Variants in IMPDH1 observed in about 807,000 individuals in gnomAD.
IMPDH1 encodes the protein inosine-5'-monophosphate dehydrogenase 1.
IMPDH1 carries 41 observed loss-of-function variants against 73.5 expected under a neutral mutation model. The observed-to-expected ratio is 0.56, with a 90% confidence interval of 0.43 to 0.72. IMPDH1 has a LOEUF of 0.72. IMPDH1 is among the 30% of genes least tolerant of loss of function. IMPDH1 has a pLI of 0.00. For synonymous variants in IMPDH1, 318 were observed against 334.3 expected, an observed-to-expected ratio of 0.95 and a Z score of 0.53; for missense variants, 645 against 824.8, an observed-to-expected ratio of 0.78 and a Z score of 2.67.
At chr7:128,406,783 C>T (rs987814047) in intron 3 of IMPDH1, among the ~76,000 whole-genome samples, 1 of 152,160 alleles carries the variant, frequency 6.6e-6, no homozygotes, top group African/African-American at 2.4e-5. Flanking sequence ...GGTACCAGGG[C>T]TTTTAATCTC....
At chr7:128,408,778 G>T (rs1301423792) in intron 3 of IMPDH1, among the ~76,000 whole-genome samples, 1 of 152,210 alleles carries the variant, frequency 6.6e-6, no homozygotes, top group African/African-American at 2.4e-5. Context: ...AACCCCAGGA[G>T]CTGGATTTCT....
At position 128,392,697 on chromosome 7, in the gene IMPDH1, G is replaced by A; in HGVS notation, c.*310C>T. Reference sequence around the variant, plus strand: ...AAGCCAGGAGGGGCCGCCTGCCCCTGGGGTGGGGGCCAGGCTGGAGCAGGC... The same window carrying A: ...AAGCCAGGAGGGGCCGCCTGCCCCTAGGGTGGGGGCCAGGCTGGAGCAGGC... On this transcript the variant is annotated 3_prime_UTR_variant, in exon 17 of 17. Coordinates refer to ENST00000338791, the MANE Select transcript of IMPDH1 (RefSeq NM_000883.4). The A allele has an allele frequency of 2.4e-6, 1 of 409,546 alleles. No individual in the cohort carries two copies. The highest frequency in any genetic ancestry group is 4.5e-6 in the Non-Finnish European group (1 of 222,286). 25.4% of individuals were successfully genotyped at this position (409,546 alleles called of 1,614,324 possible). A position where few individuals can be genotyped will look rare whatever the true frequency, so the allele number is the denominator to read the frequency against.
rs544172290 is a variant in IMPDH1, at chr7:128,395,453, C to G, written c.1262-179G>C. On this transcript the variant is annotated intron_variant, in intron 12 of 16. Coordinates refer to ENST00000338791, the MANE Select transcript of IMPDH1 (RefSeq NM_000883.4). ...GCAAATACCACCAGGATGAGTGTCA[C>G]TCTAGGGATCTGGGCCACCCCACCC... Among the ~76,000 whole-genome samples, 4 of 152,188 alleles carry G rather than the reference C, an allele frequency of 2.6e-5. 1 individual carries two copies.
intron 3 of IMPDH1, among the ~76,000 whole-genome samples, chr7:128,407,434 T>C (rs2116734023): frequency 6.6e-6 from 1 of 152,294 alleles, no homozygotes; most frequent in African/African-American, 2.4e-5. Flanking sequence ...TTCAGCATTC[T>C]TGGGCTCATG....
At chr7:128,409,254 C>T in intron 3 of IMPDH1, 35 bp downstream of exon 3, 1 of 1,582,820 alleles carries the variant, frequency 6.3e-7, no homozygotes, top group Non-Finnish European at 8.7e-7. Flanking sequence ...CCTCTCAGAT[C>T]TCAGTGCATG....
Position 128,400,845 on chromosome 7 carries a change from A to G in IMPDH1, c.551T>C (p.Phe184Ser). The change falls in exon 7 of 17, where the codon TTC becomes TCC. Residue 184 changes from phenylalanine to serine, a missense_variant. Transcript: ENST00000338791. ...GACCTTCCGCACCTCGTTGGCCTGG[A>G]ACTCTGGGGTGCAGTTGTGGTGAAT... is the stretch of plus-strand genomic sequence containing the variant. ...GFIHHNCTPE[F>S]QANEVRKVKK... is the part of the protein sequence containing the mutation. The G allele has an allele frequency of 1.9e-6, 3 of 1,614,170 alleles. No homozygotes were observed. The highest frequency in any genetic ancestry group is 2.5e-6 in the Non-Finnish European group (3 of 1,180,004).
chr7:128,398,728 A>C lies in IMPDH1; in HGVS notation c.875-115T>G. 2.4e-6 allele frequency: 2 copies of C among 821,364 alleles called. No homozygotes were observed. Among genetic ancestry groups the C allele is most frequent in the Admixed American group, 1.9e-5 (1 of 52,414 alleles). 50.9% of individuals were successfully genotyped at this position (821,364 alleles called of 1,614,324 possible). On this transcript the variant is annotated intron_variant, in intron 9 of 16. Transcript: ENST00000338791. This position sits in a 1 kb window ranked among gnomAD's most constrained non-coding sequence, Gnocchi z 4.3. The stretch of plus-strand genomic sequence containing the variant: ...TCCAGAGATTCCACTGAAGTACCCC[A>C]GTCAGCCACTAGGTGACAGCACCGC...
chr7:128,406,715 T>G (rs28364722), intron 3 of IMPDH1, among the ~76,000 whole-genome samples: 10,284 of 152,282 alleles, frequency 0.068, 737 homozygotes, highest in East Asian at 0.23. Flanking sequence ...GTACTGCTTC[T>G]GATTCATGGC....
chr7:128,400,045 T>A (rs752529444), intron 9 of IMPDH1, 50 bp downstream of exon 9: 9 of 1,374,992 alleles, frequency 6.5e-6, no homozygotes, highest in Non-Finnish European at 9.3e-6. Flanking sequence ...AACGGGACTG[T>A]GGACAGGGAG....
chr7:128,394,130 A>AGAGGGT lies in IMPDH1; in HGVS notation c.1778+142_1778+147dup, dbSNP rs148891887. On this transcript the variant is annotated intron_variant, in intron 16 of 16. Coordinates refer to ENST00000338791, the MANE Select transcript of IMPDH1 (RefSeq NM_000883.4). The surrounding 1 kb of genome is among the most constrained non-coding windows in gnomAD (Gnocchi z 5.5). Reference sequence around the variant, plus strand: ...GGAACAGGGGGCTGGGCCCCCGAAGAGAGGGTGAGGGGCCATCCTGCAGCA... The same window carrying AGAGGGT: ...GGAACAGGGGGCTGGGCCCCCGAAGAGAGGGTGAGGGTGAGGGGCCATCCTGCAGCA... 541 of 700,794 alleles carry AGAGGGT rather than the reference A, an allele frequency of 7.7e-4. 8 individuals are homozygous for AGAGGGT. In the African/African-American group the frequency reaches 8.7e-3, roughly 11 times the overall value. The allele number at this position is 700,794 out of a possible 1,614,324, so 43.4% of individuals were successfully genotyped here.
At chr7:128,407,423 C>T (rs930001658) in intron 3 of IMPDH1, among the ~76,000 whole-genome samples, 10 of 152,300 alleles carry the variant, frequency 6.6e-5, no homozygotes, top group Non-Finnish European at 1.2e-4. Flanking sequence ...ACCTCTGAAC[C>T]TTCAGCATTC....
chr7:128,400,984 C>T (rs2116668067), intron 6 of IMPDH1, 31 bp downstream of exon 6: 1 of 1,603,562 alleles, frequency 6.2e-7, no homozygotes, highest in Middle Eastern at 1.7e-4. Context: ...TCCTGTGTGC[C>T]CTGGAGTCCC....
At position 128,409,472 on chromosome 7, in the gene IMPDH1, G is replaced by A. The variant is rs768265149; in HGVS notation, c.159C>T (p.Asp53=). The A allele has an allele frequency of 4.3e-6, 7 of 1,614,076 alleles. No individual in the cohort carries two copies. The highest frequency in any genetic ancestry group is 3.3e-5 in the Admixed American group (2 of 60,014). Residue 53 remains aspartate (D), a synonymous_variant, in exon 2 of 17, where the codon GAC becomes GAT. Transcript: ENST00000338791. The part of the protein sequence containing the change: ...AGYEPESPRL[D]LATHPTTPRS... ...GGGGTGTCGTCGGGTGTGTAGCGAG[G>A]TCCAATCTAGGGCTAAGATTTTAGG...
chr7:128,396,904 G>A lies in IMPDH1; in HGVS notation c.1165+28C>T. 2 of 1,526,902 alleles carry A rather than the reference G, an allele frequency of 1.3e-6. No individual in the cohort carries two copies. The highest frequency in any genetic ancestry group is 2.2e-5 in the East Asian group (1 of 44,492). The allele number at this position is 1,526,902 out of a possible 1,614,324, so 94.6% of individuals were successfully genotyped here. A position where few individuals can be genotyped will look rare whatever the true frequency, so the allele number is the denominator to read the frequency against. On this transcript the variant is annotated intron_variant, in intron 11 of 16. Coordinates refer to ENST00000338791, the MANE Select transcript of IMPDH1 (RefSeq NM_000883.4). This position sits in a 1 kb window ranked among gnomAD's most constrained non-coding sequence, Gnocchi z 4.0. ...GTTACTCATTGGAGGGGCAGGAGCA[G>A]GCGGGTGGGAGGCGACCCCGCACTC...
In IMPDH1 at chr7:128,407,027, A is replaced by T. The variant is rs550448815; in HGVS notation, c.255-1162T>A. ...GGAAAGGTGGGGTGGTAGGAAGTAG[A>T]TCCCCTTCCCTCTTATGGGACCAGA... On this transcript the variant is annotated intron_variant, in intron 3 of 16. Coordinates refer to ENST00000338791, the MANE Select transcript of IMPDH1 (RefSeq NM_000883.4). Among the ~76,000 whole-genome samples, 28 of 152,274 alleles carry T rather than the reference A, an allele frequency of 1.8e-4. 1 individual carries two copies. Among genetic ancestry groups the T allele is most frequent in the African/African-American group, 6.3e-4 (26 of 41,566 alleles).
At chr7:128,400,005 CT>C (rs1562992101) in intron 9 of IMPDH1, 89 bp downstream of exon 9, 1 of 1,037,540 alleles carries the variant, frequency 9.6e-7, no homozygotes, top group African/African-American at 1.6e-5. Flanking sequence ...AGTCTGGTTG[CT>C]GGGATAACCT....
At position 128,394,277 on chromosome 7, in the gene IMPDH1, C is replaced by T. The variant is rs772619634; in HGVS notation, c.1778+1G>A. The T allele has an allele frequency of 4.3e-6, 7 of 1,612,334 alleles. No individual in the cohort carries two copies. The highest frequency in any genetic ancestry group is 1.7e-4 in the Middle Eastern group (1 of 6,058). On this transcript the variant is annotated splice_donor_variant, in intron 16 of 16. Transcript: ENST00000338791. LOFTEE classifies it high-confidence loss of function. This position sits in a 1 kb window ranked among gnomAD's most constrained non-coding sequence, Gnocchi z 5.5. ...GACAGCAAGGAGGCCACCACACTTA[C>T]GAGTGCAGGCCATGGACACCACCCT...
chr7:128,408,909 G>GTTC (rs1275275354), intron 3 of IMPDH1, among the ~76,000 whole-genome samples: 1 of 152,166 alleles, frequency 6.6e-6, no homozygotes, highest in Admixed American at 6.5e-5. Flanking sequence ...GCCGTTAAAA[G>GTTC]TTCTTACATA....
chr7:128,396,603 C>G lies in IMPDH1; in HGVS notation c.1258G>C (p.Glu420Gln), dbSNP rs1797931748. 6.4e-7 allele frequency: 1 copy of G among 1,551,824 alleles called. No homozygotes were observed. The highest frequency in any genetic ancestry group is 8.7e-7 in the Non-Finnish European group (1 of 1,146,820). The stretch of plus-strand genomic sequence containing the variant: ...TCGCTCACCTCCTGACACCCACCTT[C>G]CTGGGTGATGCAGATGGAGCCGCAG... ...MGCGSICITQEVMACGRPQGT... is the reference protein window; with the variant it reads ...MGCGSICITQQVMACGRPQGT... The change falls in exon 12 of 17, where the codon GAA becomes CAA. Residue 420 changes from glutamate (E) to glutamine (Q), a missense_variant. By Grantham distance (29) the Glu-to-Gln change is conservative. This residue lies in a region of IMPDH1 where 459 missense variants were observed against 638.2 expected (regional missense o/e 0.72). Coordinates refer to ENST00000338791, the MANE Select transcript of IMPDH1 (RefSeq NM_000883.4). This position sits in a 1 kb window ranked among gnomAD's most constrained non-coding sequence, Gnocchi z 4.0.
Sources: allele counts gnomAD v4.1 joint callset (sites outside exome capture counted in the v4.1 genomes callset), GRCh38; gene constraint gnomAD v4.1.1; regional missense constraint gnomAD v4.1.1; non-coding constraint Gnocchi (gnomAD v3.1); transcripts MANE v1.5; gene names NCBI Gene and HGNC (gene_info 2026-07-23, HGNC 2026-07-21).